SH3KBP1: variants seen among roughly 807,000 people sequenced by gnomAD.
SH3KBP1 encodes SH3 domain containing kinase binding protein 1.
In SH3KBP1, 8 loss-of-function variants were observed where a neutral mutation model predicts 50.1. The observed-to-expected ratio is 0.16, with a 90% confidence interval of 0.09 to 0.29. SH3KBP1 has a LOEUF of 0.29. SH3KBP1 is among the 10% of genes least tolerant of loss of function. The pLI, the probability that SH3KBP1 is intolerant of heterozygous loss-of-function variation, is 1.00. For missense variants in SH3KBP1, 377 were observed against 535.2 expected, an observed-to-expected ratio of 0.70 and a Z score of 2.92; for synonymous variants, 227 against 218.6, an observed-to-expected ratio of 1.04 and a Z score of -0.34.
chrX:19,570,648 G>A (rs1196195954), intron 12 of SH3KBP1, among the ~76,000 whole-genome samples: 1 of 111,660 alleles, frequency 9.0e-6, no homozygotes, highest in African/African-American at 3.3e-5. Flanking sequence ...AGACTGCTGC[G>A]TTTTTCACTC....
intron 1 of SH3KBP1, among the ~76,000 whole-genome samples, chrX:19,859,034 G>T (rs1262027151): frequency 8.9e-6 from 1 of 112,312 alleles, no homozygotes; most frequent in Non-Finnish European, 1.9e-5. Context: ...GCTTTGTGTA[G>T]TACAGTGTTT....
intron 3 of SH3KBP1, 78 bp from the exon 4 acceptor site, chrX:19,707,062 C>A (rs1383266424): frequency 2.3e-6 from 2 of 858,418 alleles, no homozygotes; most frequent in African/African-American, 3.9e-5. Flanking sequence ...CCTAGGCATG[C>A]AGGCAAATTA....
At chrX:19,546,449 G>A (rs1026547464) in intron 14 of SH3KBP1, among the ~76,000 whole-genome samples, 14 of 112,338 alleles carry the variant, frequency 1.2e-4, no homozygotes, top group Non-Finnish European at 1.7e-4. Flanking sequence ...AGTCTACCAG[G>A]GAAGAACACA....
At chrX:19,835,845 G>C (rs1426597014) in intron 2 of SH3KBP1, among the ~76,000 whole-genome samples, 1 of 107,172 alleles carries the variant, frequency 9.3e-6, no homozygotes, top group African/African-American at 3.7e-5. Flanking sequence ...CAGTCTCCCA[G>C]AATGCTGGGA....
intron 2 of SH3KBP1, among the ~76,000 whole-genome samples, chrX:19,819,141 T>G (rs2067443623): frequency 8.9e-6 from 1 of 111,902 alleles, no homozygotes; most frequent in African/African-American, 3.2e-5. Flanking sequence ...GTTTTGGTAG[T>G]TTGTAGTTTT....
chrX:19,802,819 T>G (rs973360438), intron 2 of SH3KBP1, among the ~76,000 whole-genome samples: 1 of 110,933 alleles, frequency 9.0e-6, no homozygotes, highest in Non-Finnish European at 1.9e-5. Flanking sequence ...GTCTCTCCCC[T>G]CATGCTCTCC....
At chrX:19,886,748 A>G (rs934874008) in intron 1 of SH3KBP1, among the ~76,000 whole-genome samples, 1 of 110,424 alleles carries the variant, frequency 9.1e-6, no homozygotes, top group African/African-American at 3.3e-5. Context: ...GAGGAGCGTC[A>G]GGTGCTCTGG....
At chrX:19,850,808 A>G (rs1404403452) in intron 1 of SH3KBP1, among the ~76,000 whole-genome samples, 2 of 109,797 alleles carry the variant, frequency 1.8e-5, no homozygotes, top group Non-Finnish European at 3.8e-5. Flanking sequence ...CTCTATCTGT[A>G]CCCGCCTGGT....
chrX:19,817,689 CA>C (rs1208058751), intron 2 of SH3KBP1, among the ~76,000 whole-genome samples: 1 of 111,351 alleles, frequency 9.0e-6, no homozygotes, highest in Non-Finnish European at 1.9e-5. Flanking sequence ...GGCTGGAGTA[CA>C]GTGGTGAGAT....
chrX:19,822,321 T>C (rs1222236757), intron 2 of SH3KBP1, among the ~76,000 whole-genome samples: 1 of 112,205 alleles, frequency 8.9e-6, no homozygotes, highest in African/African-American at 3.2e-5. Flanking sequence ...TCTGATGTTA[T>C]TATCCCATAG....
Position 19,671,106 on chromosome X carries a change from C to T in SH3KBP1, c.726+12717G>A, listed in dbSNP as rs189013841. 151 of 797,921 alleles carry T rather than the reference C, an allele frequency of 1.9e-4. No homozygotes were observed. In the East Asian group the frequency reaches 5.3e-3, roughly 28 times the overall value. The allele number at this position is 797,921 out of a possible 1,213,427, so 65.8% of individuals were successfully genotyped here. On this transcript the variant is annotated intron_variant, in intron 6 of 17. Coordinates refer to ENST00000397821, the MANE Select transcript of SH3KBP1 (RefSeq NM_031892.3). ...AAGTCCTCCTCCCTCGCCTATGTTG[C>T]TGCTGCAATCTGGGCTCCCTCCTGG...
intron 13 of SH3KBP1, among the ~76,000 whole-genome samples, chrX:19,560,022 T>C (rs1157760567): frequency 1.8e-5 from 2 of 111,044 alleles, no homozygotes; most frequent in Non-Finnish European, 3.8e-5. Context: ...TGCAGTAGCA[T>C]GCCTATAAGT....
intron 3 of SH3KBP1, 83 bp downstream of exon 3, chrX:19,746,235 A>G: frequency 9.3e-7 from 1 of 1,080,416 alleles, no homozygotes; most frequent in Non-Finnish European, 1.3e-6. Context: ...ATTTTTCAGC[A>G]ATATAAAGTT....
chrX:19,640,963 G>A, intron 7 of SH3KBP1, among the ~76,000 whole-genome samples: 1 of 111,600 alleles, frequency 9.0e-6, no homozygotes. Context: ...ACCTCTAGAG[G>A]GTATTTAAAC....
chrX:19,768,148 G>A lies in SH3KBP1; in HGVS notation c.163-21707C>T, dbSNP rs72616089. On this transcript the variant is annotated intron_variant, in intron 2 of 17. Transcript: ENST00000397821. ...AGAATTTTACCCAGACACAAACGCA[G>A]ATGAACAGAATGGCAGGATCTATTA... is the stretch of plus-strand genomic sequence containing the variant. Among the ~76,000 whole-genome samples the A allele has an allele frequency of 5.0e-4, 55 of 109,933 alleles. 1 individual carries two copies. In the East Asian group the frequency reaches 0.011, roughly 22 times the overall value.
At chrX:19,864,680 G>A (rs1002230575) in intron 1 of SH3KBP1, among the ~76,000 whole-genome samples, 1 of 112,223 alleles carries the variant, frequency 8.9e-6, no homozygotes, top group African/African-American at 3.2e-5. Flanking sequence ...TTTTAGCCCA[G>A]TGAGACCCAC....
intron 6 of SH3KBP1, among the ~76,000 whole-genome samples, chrX:19,681,392 C>T (rs1342387314): frequency 8.9e-6 from 1 of 112,708 alleles, no homozygotes; most frequent in Non-Finnish European, 1.9e-5. Flanking sequence ...TGTCTGTAAT[C>T]TCTAAAGTGC....
At chrX:19,538,725 T>G (rs2064796126) in intron 16 of SH3KBP1, among the ~76,000 whole-genome samples, 1 of 110,266 alleles carries the variant, frequency 9.1e-6, no homozygotes, top group Admixed American at 9.7e-5. Context: ...GAGCTGGGAT[T>G]ACAGGCACAC....
In SH3KBP1 at chrX:19,667,814, T is replaced by C. The variant is rs1158487786; in HGVS notation, c.726+16009A>G. On this transcript the variant is annotated intron_variant, in intron 6 of 17. Transcript: ENST00000397821. Reference sequence around the variant, plus strand: ...AGTCTTACTTTTGTTCTGTTGGGATTTTTTTTTTTTTTTTTTTTTTTTTTT... The same window carrying C: ...AGTCTTACTTTTGTTCTGTTGGGATCTTTTTTTTTTTTTTTTTTTTTTTTT... Among the ~76,000 whole-genome samples, 3 of 58,874 alleles carry C rather than the reference T, an allele frequency of 5.1e-5. No individual in the cohort carries two copies. In the South Asian group the frequency reaches 1.6e-3, roughly 32 times the overall value. The allele number at this position is 58,874 out of a possible 115,157, so 51.1% of individuals were successfully genotyped here.
Sources: allele counts gnomAD v4.1 joint callset (sites outside exome capture counted in the v4.1 genomes callset), GRCh38; gene constraint gnomAD v4.1.1; transcripts MANE v1.5; gene names NCBI Gene and HGNC (gene_info 2026-07-23, HGNC 2026-07-21).